The following BRWD1 variants were observed in gnomAD, a reference collection of about 807,000 sequenced individuals.
BRWD1 encodes the protein bromodomain and WD repeat-containing protein 1.
BRWD1 carries 82 observed loss-of-function variants against 251.2 expected under a neutral mutation model. The ratio of observed to expected loss-of-function variants is 0.33; its 90% CI spans 0.27 to 0.39. BRWD1 has a LOEUF of 0.39. Ranked by LOEUF, BRWD1 falls within the 10% of genes least tolerant of loss-of-function variation. The pLI is 1.00. For synonymous variants in BRWD1, 918 were observed against 902.8 expected (o/e 1.02, Z -0.30); for missense variants, 2,233 against 2,711.6 (o/e 0.82, Z 3.92).
chr21:39,238,285 CAA>C (rs58179212), intron 22 of BRWD1, among the ~76,000 whole-genome samples, 192 bp downstream of exon 22: 3,541 of 122,330 alleles, frequency 0.029, 60 homozygotes, highest in Middle Eastern at 0.055. Context: ...TGCTTAAAGT[CAA>C]AAAAAAAAAA....
intron 17 of BRWD1, among the ~76,000 whole-genome samples, chr21:39,260,806 C>A (rs2034718037): frequency 6.6e-6 from 1 of 152,068 alleles, no homozygotes; most frequent in Non-Finnish European, 1.5e-5. Flanking sequence ...GTTGAGGAGA[C>A]AGAGGTGAGA....
At chr21:39,257,904 T>G (rs1473055841) in intron 18 of BRWD1, among the ~76,000 whole-genome samples, 1 of 152,162 alleles carries the variant, frequency 6.6e-6, no homozygotes, top group Admixed American at 6.5e-5. Flanking sequence ...TTCCAACCTT[T>G]CTTTCCAAAA....
rs2031546093 is a variant in BRWD1, at chr21:39,191,387, C to G, written c.*4872G>C. 1.0e-6 allele frequency: 1 copy of G among 985,292 alleles called. No individual in the cohort carries two copies. Among genetic ancestry groups the G allele is most frequent in the African/African-American group, 1.7e-5 (1 of 57,308 alleles). 61.0% of individuals were successfully genotyped at this position (985,292 alleles called of 1,614,324 possible). The stretch of plus-strand genomic sequence containing the variant: ...AATTAACCAGCTAGAATGTATTTGG[C>G]TTGGAGTAGTGTTTTGTTTTGTTTT... On this transcript the variant is annotated 3_prime_UTR_variant, in exon 41 of 41. Transcript: ENST00000342449.
rs1601221560 is a variant in BRWD1, at chr21:39,191,515, G to C, written c.*4744C>G. On this transcript the variant is annotated 3_prime_UTR_variant, in exon 41 of 41. Transcript: ENST00000342449. ...GAATAGATTAATTTAGAACATTAACGATCTTATGTGAAGTGGAAAACTAAA... is the reference window on the plus strand; with the variant it reads ...GAATAGATTAATTTAGAACATTAACCATCTTATGTGAAGTGGAAAACTAAA... 5 of 978,950 alleles carry C rather than the reference G, an allele frequency of 5.1e-6. No homozygotes were observed. In the South Asian group the frequency reaches 2.4e-4, roughly 46 times the overall value. 60.6% of individuals were successfully genotyped at this position (978,950 alleles called of 1,614,324 possible).
At chr21:39,311,691 A>T (rs762190832) in intron 4 of BRWD1, among the ~76,000 whole-genome samples, 1 of 152,240 alleles carries the variant, frequency 6.6e-6, no homozygotes, top group Non-Finnish European at 1.5e-5. Flanking sequence ...TGCCATCAGA[A>T]TTTTTAGAAC....
intron 17 of BRWD1, 97 bp from the exon 18 acceptor site, chr21:39,258,769 A>T: frequency 1.3e-6 from 1 of 793,556 alleles, no homozygotes; most frequent in South Asian, 3.1e-5. Flanking sequence ...CAATGGTCAG[A>T]ATTTCCCATT....
In BRWD1 at chr21:39,194,205, T is replaced by C. The variant is rs747610738; in HGVS notation, c.*2054A>G. 9.2e-6 allele frequency: 9 copies of C among 981,450 alleles called. No homozygotes were observed. The highest frequency in any genetic ancestry group is 1.1e-5 in the Non-Finnish European group (9 of 825,722). The allele number at this position is 981,450 out of a possible 1,614,324, so 60.8% of individuals were successfully genotyped here. A position where few individuals can be genotyped will look rare whatever the true frequency, so the allele number is the denominator to read the frequency against. On this transcript the variant is annotated 3_prime_UTR_variant, in exon 41 of 41. Coordinates refer to ENST00000342449, the MANE Select transcript of BRWD1 (RefSeq NM_033656.4). ...ATTAATGAAGCCTAAACTGTCAAAA[T>C]ATTGTTTTATACCAAAAGAATGTAT...
rs113545182 is a variant in BRWD1 at position 39,240,276 on chromosome 21, TA to T, written c.2482-1704del. ...GAACAGATGGAGCACAGAGGATTTT[TA>T]GGGCAGTAAAATCATTCTGTGTGAT... On this transcript the variant is annotated intron_variant, in intron 21 of 40. Transcript: ENST00000342449. Among the ~76,000 whole-genome samples the T allele has an allele frequency of 4.0e-3, 606 of 152,322 alleles. 6 individuals carry two copies. The highest frequency in any genetic ancestry group is 0.014 in the African/African-American group (593 of 41,568).
At chr21:39,284,560 C>T (rs2035572271) in intron 8 of BRWD1, among the ~76,000 whole-genome samples, 1 of 152,150 alleles carries the variant, frequency 6.6e-6, no homozygotes. Flanking sequence ...ATAAGAGTTC[C>T]CCTTTCTCCA....
At position 39,193,246 on chromosome 21, in the gene BRWD1, G is replaced by A. The variant is rs1601225521; in HGVS notation, c.*3013C>T. 1.0e-6 allele frequency: 1 copy of A among 970,912 alleles called. No individual in the cohort carries two copies. The highest frequency in any genetic ancestry group is 1.2e-6 in the Non-Finnish European group (1 of 816,464). 60.1% of individuals were successfully genotyped at this position (970,912 alleles called of 1,614,324 possible). On this transcript the variant is annotated 3_prime_UTR_variant, in exon 41 of 41. Coordinates refer to ENST00000342449, the MANE Select transcript of BRWD1 (RefSeq NM_033656.4). Reference sequence around the variant, plus strand: ...CTTTCTGTTGTAATTTACAAGCTGTGAGTAACTGCTATATCATTGTTTCCA... The same window carrying A: ...CTTTCTGTTGTAATTTACAAGCTGTAAGTAACTGCTATATCATTGTTTCCA...
Position 39,197,183 on chromosome 21 carries a change from T to A in BRWD1, c.5886A>T (p.Lys1962Asn), listed in dbSNP as rs1172646231. Reference sequence around the variant, plus strand: ...TAGTACAAGCAAGATGGAGAGGTTTTTTCCTTCCATTTTTGCTTCTAGTGT... The same window carrying A: ...TAGTACAAGCAAGATGGAGAGGTTTATTCCTTCCATTTTTGCTTCTAGTGT... ...NVHTRSKNGR[K>N]KPLHLACTTA... is the part of the protein sequence containing the mutation. Residue 1962 changes from lysine to asparagine, a missense_variant, in exon 41 of 41, where the codon AAA becomes AAT. Transcript: ENST00000342449. 1 of 1,614,130 alleles carries A rather than the reference T, an allele frequency of 6.2e-7. No individual in the cohort carries two copies. The highest frequency in any genetic ancestry group is 1.1e-5 in the South Asian group (1 of 91,084).
At chr21:39,316,507 G>T (rs949897044), upstream of BRWD1, among the ~76,000 whole-genome samples, 3 of 152,174 alleles carry the variant, frequency 2.0e-5, no homozygotes, top group Non-Finnish European at 4.4e-5. Flanking sequence ...AAGGAGTTGT[G>T]CATTTCATTT....
chr21:39,229,236 A>G (rs2033508761), intron 26 of BRWD1, 76 bp downstream of exon 26: 5 of 1,263,984 alleles, frequency 4.0e-6, no homozygotes, highest in Admixed American at 1.9e-5. Context: ...TTAAATGGGA[A>G]GGGCATGCTA....
rs1568960461 is a variant in BRWD1, at chr21:39,292,121, GT to G, written c.831+1689del. On this transcript the variant is annotated intron_variant, in intron 8 of 40. Coordinates refer to ENST00000342449, the MANE Select transcript of BRWD1 (RefSeq NM_033656.4). ...CTTGCCAAACTATTTTTTGTGGGGG[GT>G]GGGTGGGGGTGGGGGGGGGGGTCTC... Among the ~76,000 whole-genome samples the G allele has an allele frequency of 1.8e-3, 94 of 50,860 alleles. 1 individual carries two copies. The highest frequency in any genetic ancestry group is 3.3e-3 in the African/African-American group (50 of 15,308). 33.4% of individuals were successfully genotyped at this position (50,860 alleles called of 152,430 possible). A position where few individuals can be genotyped will look rare whatever the true frequency, so the allele number is the denominator to read the frequency against.
intron 8 of BRWD1, among the ~76,000 whole-genome samples, chr21:39,286,016 C>CTTTTCTTTTTTTT: frequency 9.5e-6 from 1 of 104,774 alleles, no homozygotes; most frequent in South Asian, 2.9e-4. Flanking sequence ...ACCATATGAA[C>CTTTTCTTTTTTTT]TTTTTTTTTT....
chr21:39,272,535 A>C, intron 13 of BRWD1, among the ~76,000 whole-genome samples: 1 of 151,994 alleles, frequency 6.6e-6, no homozygotes, highest in Non-Finnish European at 1.5e-5. Context: ...TCCAAAAAAA[A>C]AAGTAAAATG....
rs755283025 is a variant in BRWD1, at chr21:39,280,242, G to C, written c.838C>G (p.Pro280Ala). ...TGSITSLQFS[P>A]MAKGSQRYMV... ...TATCTTTGAGAGCCTTTGGCCATCG[G>C]GCTAAACTAAAAAGTAAAACATATA... The change falls in exon 9 of 41, where the codon CCG becomes GCG. Residue 280 changes from proline to alanine, a missense_variant. This residue lies in a region of BRWD1 where 185 missense variants were observed against 260.6 expected (regional missense o/e 0.71). Transcript: ENST00000342449. 1.2e-6 allele frequency: 2 copies of C among 1,602,248 alleles called. No individual in the cohort carries two copies. The highest frequency in any genetic ancestry group is 1.1e-5 in the South Asian group (1 of 88,442).
intron 21 of BRWD1, among the ~76,000 whole-genome samples, chr21:39,240,054 A>T (rs893474618): frequency 4.0e-5 from 6 of 151,854 alleles, no homozygotes; most frequent in African/African-American, 1.2e-4. Flanking sequence ...ATTCTGTGCT[A>T]AAAAAAACAA....
At chr21:39,271,696 CAAAAAAAAA>C (rs34900726) in intron 13 of BRWD1, among the ~76,000 whole-genome samples, 3 of 59,842 alleles carry the variant, frequency 5.0e-5, no homozygotes, top group Admixed American at 2.8e-4. Flanking sequence ...GACTCCGTCT[CAAAAAAAAA>C]AAAAAAAAAA....
Sources: allele counts gnomAD v4.1 joint callset (sites outside exome capture counted in the v4.1 genomes callset), GRCh38; gene constraint gnomAD v4.1.1; regional missense constraint gnomAD v4.1.1; transcripts MANE v1.5; gene names NCBI Gene and HGNC (gene_info 2026-07-23, HGNC 2026-07-21).